The following EPHB2 variants were observed in gnomAD, a reference collection of about 807,000 sequenced individuals.
EPHB2 encodes EPH receptor B2, also known as ephrin type-B receptor 2.
EPHB2 carries 18 observed loss-of-function variants against 96.4 expected under a neutral mutation model. That is an observed-to-expected ratio of 0.19 (90% CI 0.13 to 0.28). The LOEUF (loss-of-function observed/expected upper bound fraction) is 0.28. Among genes scored for constraint, EPHB2 ranks in the 10% least tolerant of loss-of-function variants. The probability of loss-of-function intolerance (pLI) is 1.00; values close to 1 mark genes in which losing one functional copy is unlikely to be tolerated. For missense variants in EPHB2, 989 were observed against 1,355.4 expected (o/e 0.73, Z 4.25); for synonymous variants, 506 against 534.1 (o/e 0.95, Z 0.72).
At position 22,858,579 on chromosome 1, in the gene EPHB2, T is replaced by TCATTGTCTTCTTCC. The variant is rs1553171160; in HGVS notation, c.812-4455_812-4442dup. 6.6e-6 allele frequency among the ~76,000 whole-genome samples: 1 copy of TCATTGTCTTCTTCC among 152,164 alleles called. No individual in the cohort carries two copies. The highest frequency in any genetic ancestry group is 1.5e-5 in the Non-Finnish European group (1 of 68,014). ...CAACTGCCTTCCTGTGTTTCAGGTC[T>TCATTGTCTTCTTCC]CATTGTCTTCTTCCCACTTCTGCAC... On this transcript the variant is annotated intron_variant, in intron 3 of 15. Coordinates refer to ENST00000374630, the MANE Select transcript of EPHB2 (RefSeq NM_017449.5). The surrounding 1 kb of genome is among the most constrained non-coding windows in gnomAD (Gnocchi z 7.7).
chr1:22,716,914 C>G (rs890148771), intron 1 of EPHB2, among the ~76,000 whole-genome samples: 9 of 152,202 alleles, frequency 5.9e-5, no homozygotes, highest in African/African-American at 2.2e-4. Context: ...ACCAAGGACC[C>G]GTCTCCTGAC....
At chr1:22,843,642 G>A (rs1486698825) in intron 3 of EPHB2, among the ~76,000 whole-genome samples, 2 of 152,204 alleles carry the variant, frequency 1.3e-5, no homozygotes, top group Non-Finnish European at 2.9e-5. Flanking sequence ...GCAGATTCAA[G>A]TGATTCTTCT....
At chr1:22,776,870 G>A (rs987535187) in intron 1 of EPHB2, among the ~76,000 whole-genome samples, 1 of 152,212 alleles carries the variant, frequency 6.6e-6, no homozygotes, top group African/African-American at 2.4e-5. Context: ...TCTGGCAGAT[G>A]GGGAGAGGAG....
chr1:22,885,288 C>A (rs916546766), intron 6 of EPHB2, among the ~76,000 whole-genome samples: 1 of 152,208 alleles, frequency 6.6e-6, no homozygotes, highest in African/African-American at 2.4e-5. Flanking sequence ...TCCCCAAAGA[C>A]GGGCAACGGA....
chr1:22,757,523 A>G (rs1644169196), intron 1 of EPHB2, among the ~76,000 whole-genome samples: 1 of 152,158 alleles, frequency 6.6e-6, no homozygotes, highest in African/African-American at 2.4e-5. Flanking sequence ...ATATTTTGTC[A>G]TCCTGAGCCT....
intron 3 of EPHB2, among the ~76,000 whole-genome samples, chr1:22,801,912 A>G (rs901334303): frequency 6.6e-6 from 1 of 152,144 alleles, no homozygotes; most frequent in African/African-American, 2.4e-5. Context: ...CAATTAGAGG[A>G]GCGGACAGGG....
chr1:22,841,542 C>G (rs1457507991), intron 3 of EPHB2, among the ~76,000 whole-genome samples: 1 of 152,194 alleles, frequency 6.6e-6, no homozygotes, highest in Non-Finnish European at 1.5e-5. Flanking sequence ...CTCATCAGGA[C>G]AGGGGAATAG....
intron 3 of EPHB2, among the ~76,000 whole-genome samples, chr1:22,796,562 C>T (rs994840952): frequency 6.6e-6 from 1 of 152,218 alleles, no homozygotes; most frequent in Non-Finnish European, 1.5e-5. Context: ...CTCTCTGTCC[C>T]CCCCATCCCC....
chr1:22,799,366 C>T (rs1424381526), intron 3 of EPHB2, among the ~76,000 whole-genome samples: 1 of 152,158 alleles, frequency 6.6e-6, no homozygotes, highest in Admixed American at 6.5e-5. Flanking sequence ...GAGCCAGCCA[C>T]CTGGGTTCAA....
At chr1:22,749,008 T>C (rs1170972397) in intron 1 of EPHB2, among the ~76,000 whole-genome samples, 1 of 148,482 alleles carries the variant, frequency 6.7e-6, no homozygotes, top group African/African-American at 2.5e-5. Flanking sequence ...CATTCTTTCC[T>C]TTTTACTTTG....
chr1:22,849,325 C>T (rs1466408542), intron 3 of EPHB2, among the ~76,000 whole-genome samples: 1 of 152,184 alleles, frequency 6.6e-6, no homozygotes, highest in African/African-American at 2.4e-5. Context: ...TGTCCGTCTC[C>T]TTCGTGACCC....
At chr1:22,862,500 A>G (rs1638297126) in intron 3 of EPHB2, among the ~76,000 whole-genome samples, 1 of 152,254 alleles carries the variant, frequency 6.6e-6, no homozygotes, top group Admixed American at 6.5e-5. Flanking sequence ...CTGGGGCTGC[A>G]CAGCTAGTAA....
At chr1:22,774,127 T>TCCTC (rs1361591127) in intron 1 of EPHB2, among the ~76,000 whole-genome samples, 2 of 152,078 alleles carry the variant, frequency 1.3e-5, no homozygotes, top group African/African-American at 4.8e-5. Flanking sequence ...CCCTTCCCTC[T>TCCTC]CCTCCCAGCT....
In EPHB2 at chr1:22,835,101, G is replaced by A. The variant is rs879580436; in HGVS notation, c.812-27936G>A. Among the ~76,000 whole-genome samples the A allele has an allele frequency of 2.1e-4, 32 of 151,802 alleles. 1 individual carries two copies. The South Asian group carries it at 2.7e-3, about 13-fold the overall frequency. On this transcript the variant is annotated intron_variant, in intron 3 of 15. Transcript: ENST00000374630. Reference sequence around the variant, plus strand: ...TTCAAAAAAGGGGTACCTATTGGCCGGGCACAGTGGCTCACACCTGTAGTC... The same window carrying A: ...TTCAAAAAAGGGGTACCTATTGGCCAGGCACAGTGGCTCACACCTGTAGTC...
At chr1:22,898,576 G>A (rs183020843) in intron 9 of EPHB2, among the ~76,000 whole-genome samples, 1 of 152,294 alleles carries the variant, frequency 6.6e-6, no homozygotes, top group East Asian at 1.9e-4. Context: ...GTGAAATGGG[G>A]AGCTGCTGGA....
chr1:22,812,130 T>G (rs1268703390), intron 3 of EPHB2, among the ~76,000 whole-genome samples: 2 of 152,166 alleles, frequency 1.3e-5, no homozygotes, highest in Non-Finnish European at 2.9e-5. Flanking sequence ...AGATATTTGT[T>G]GTGAAATGGA....
chr1:22,904,831 G>A (rs1181905371), intron 9 of EPHB2, among the ~76,000 whole-genome samples: 2 of 152,208 alleles, frequency 1.3e-5, no homozygotes, highest in African/African-American at 2.4e-5. Context: ...CTAAAATAGA[G>A]GCCAAGAGTG....
intron 3 of EPHB2, among the ~76,000 whole-genome samples, chr1:22,817,614 G>A (rs945119734): frequency 4.6e-5 from 7 of 152,210 alleles, no homozygotes; most frequent in African/African-American, 1.7e-4. Context: ...TTCAGAGCTT[G>A]GACTGTGCTT....
rs948100688 is a variant in EPHB2, at chr1:22,860,037, G to A, written c.812-3000G>A. Among the ~76,000 whole-genome samples, 4 of 152,220 alleles carry A rather than the reference G, an allele frequency of 2.6e-5. No homozygotes were observed. The highest frequency in any genetic ancestry group is 9.6e-5 in the African/African-American group (4 of 41,452). On this transcript the variant is annotated intron_variant, in intron 3 of 15. Coordinates refer to ENST00000374630, the MANE Select transcript of EPHB2 (RefSeq NM_017449.5). This position sits in a 1 kb window ranked among gnomAD's most constrained non-coding sequence, Gnocchi z 4.6. ...AAATGGAATCCTGCTTTCATGGCTG[G>A]CTTCTTTCACTGAGCACGATGTGTC...
Sources: allele counts gnomAD v4.1 joint callset (sites outside exome capture counted in the v4.1 genomes callset), GRCh38; gene constraint gnomAD v4.1.1; non-coding constraint Gnocchi (gnomAD v3.1); transcripts MANE v1.5; gene names NCBI Gene and HGNC (gene_info 2026-07-23, HGNC 2026-07-21).